The following KALRN variants were observed in gnomAD, a reference collection of about 807,000 sequenced individuals.
The protein encoded by KALRN is kalirin RhoGEF kinase, also known as kalirin.
A neutral mutation model predicts 353.7 loss-of-function variants in KALRN; 70 were observed. That is an observed-to-expected ratio of 0.20 (90% CI 0.16 to 0.24). The LOEUF (loss-of-function observed/expected upper bound fraction) is 0.24, where lower values mean the gene tolerates loss of function less well. Ranked by LOEUF, KALRN falls within the 10% of genes least tolerant of loss-of-function variation. The pLI is 1.00. For synonymous variants in KALRN, 1,391 were observed against 1,434.8 expected, an observed-to-expected ratio of 0.97 and a Z score of 0.69; for missense variants, 2,791 against 3,756.7, an observed-to-expected ratio of 0.74 and a Z score of 6.72.
In KALRN at chr3:124,103,995, C is replaced by T. The variant is rs561127511; in HGVS notation, c.73+70182C>T. Among the ~76,000 whole-genome samples the T allele has an allele frequency of 2.9e-4, 44 of 152,228 alleles. 1 individual carries two copies. In the South Asian group the frequency reaches 8.9e-3, roughly 31 times the overall value. On this transcript the variant is annotated intron_variant, in intron 1 of 59. Transcript: ENST00000682506. ...GAGAAAAAAAAAGAATCAACAGTAA[C>T]ATCTCTGCATCTCTGTTGGCCCTCT...
chr3:124,360,734 G>A (rs1347932493), intron 10 of KALRN, among the ~76,000 whole-genome samples: 1 of 152,182 alleles, frequency 6.6e-6, no homozygotes, highest in Non-Finnish European at 1.5e-5. Context: ...CAGATTAAGA[G>A]AAGCAGAATC....
chr3:124,150,572 C>T (rs1051049529), intron 1 of KALRN, among the ~76,000 whole-genome samples: 4 of 152,086 alleles, frequency 2.6e-5, no homozygotes, highest in African/African-American at 7.2e-5. Context: ...AGAGAATAAT[C>T]GGGATAATTA....
chr3:124,543,495 G>A (rs767023600), intron 33 of KALRN, among the ~76,000 whole-genome samples: 3 of 151,966 alleles, frequency 2.0e-5, no homozygotes, highest in Non-Finnish European at 2.9e-5. Context: ...TAGAGACGGG[G>A]TTTCACTGTG....
Position 124,712,990 on chromosome 3 carries a change from G to T in KALRN, c.8131G>T (p.Ala2711Ser). Residue 2711 changes from alanine (A) to serine (S), a missense_variant, in exon 58 of 60, where the codon GCT (alanine) becomes TCT (serine). By Grantham distance (99) the Ala-to-Ser change is moderately conservative (BLOSUM62 1). Transcript: ENST00000682506. ...CIHKATRKDV[A>S]VKFVSKKMKK... ...TCACAAAGCTACCCGCAAAGATGTG[G>T]CTGTGAAATTTGTTAGCAAAAAAAT... 1 of 1,614,002 alleles carries T rather than the reference G, an allele frequency of 6.2e-7. No homozygotes were observed. The highest frequency in any genetic ancestry group is 8.5e-7 in the Non-Finnish European group (1 of 1,179,984).
rs548315530 is a variant in KALRN, at chr3:124,063,658, A to G, written c.73+29845A>G. ...AAAGCCCTTCTTTCAGCCCACTTCC[A>G]GGAGGGATTGGTAATTTTCTTCCTC... On this transcript the variant is annotated intron_variant, in intron 1 of 59. Transcript: ENST00000682506. Among the ~76,000 whole-genome samples, 12 of 152,362 alleles carry G rather than the reference A, an allele frequency of 7.9e-5. 1 individual carries two copies. Among genetic ancestry groups the G allele is most frequent in the African/African-American group, 2.9e-4 (12 of 41,586 alleles).
At chr3:124,611,897 G>A (rs333327) in intron 34 of KALRN, among the ~76,000 whole-genome samples, 82,755 of 152,118 alleles carry the variant, frequency 0.54, 24,014 homozygotes, top group East Asian at 0.73. Context: ...CCTTATTTCC[G>A]TCTTCATGTG....
intron 33 of KALRN, chr3:124,504,788 G>A: frequency 2.2e-6 from 1 of 460,424 alleles, no homozygotes; most frequent in South Asian, 1.6e-5. Context: ...GAGCTGCCTG[G>A]GAGGACTGAG....
rs572486857 is a variant in KALRN, at chr3:124,305,808, G to A, written c.1092+6895G>A. Among the ~76,000 whole-genome samples the A allele has an allele frequency of 1.1e-4, 16 of 152,016 alleles. No individual in the cohort carries two copies. The South Asian group carries it at 1.2e-3, about 12-fold the overall frequency. ...GAGTTGCTGCTATATGACCTAAAAT[G>A]TCCAATTTTCAACAAAAAAATTATG... On this transcript the variant is annotated intron_variant, in intron 6 of 59. Coordinates refer to ENST00000682506, the MANE Select transcript of KALRN (RefSeq NM_001388419.1).
intron 45 of KALRN, 51 bp from the exon 46 acceptor site, chr3:124,666,398 G>T (rs928162366): frequency 1.3e-6 from 2 of 1,570,162 alleles, no homozygotes; most frequent in African/African-American, 1.4e-5. Flanking sequence ...AGAGGGCAGT[G>T]GCTCGCTCCC....
chr3:124,702,085 T>G lies in KALRN; in HGVS notation c.8044T>G (p.Ser2682Ala). 2 of 1,613,794 alleles carry G rather than the reference T, an allele frequency of 1.2e-6. No individual in the cohort carries two copies. The highest frequency in any genetic ancestry group is 1.7e-6 in the Non-Finnish European group (2 of 1,179,840). ...ATISWKENFD[S>A]AYTELNEIGR... ...CATTTCTTGGAAGGAAAATTTTGAC[T>G]CAGCTTACACTGAGCTGAATGAAAT... Residue 2682 changes from serine to alanine, a missense_variant, in exon 57 of 60, where the codon TCA (serine) becomes GCA (alanine). Ser to Ala is a moderately conservative substitution (Grantham distance 99). Coordinates refer to ENST00000682506, the MANE Select transcript of KALRN (RefSeq NM_001388419.1).
intron 33 of KALRN, among the ~76,000 whole-genome samples, chr3:124,509,322 C>T (rs2065606391): frequency 6.6e-6 from 1 of 152,190 alleles, no homozygotes; most frequent in Non-Finnish European, 1.5e-5. Flanking sequence ...AATTCTGCTG[C>T]CTCAGCCCCC....
chr3:124,409,174 A>G lies in KALRN; in HGVS notation c.2347-4296A>G, dbSNP rs576774552. 7.2e-5 allele frequency among the ~76,000 whole-genome samples: 11 copies of G among 152,280 alleles called. No homozygotes were observed. In the South Asian group the frequency reaches 1.5e-3, roughly 20 times the overall value. On this transcript the variant is annotated intron_variant, in intron 13 of 59. Transcript: ENST00000682506. ...GAGTGGGGGAGACAGAGGCCACTAGAGCAAGTGGGGAACTGAGGTGGAAGT... is the reference window on the plus strand; with the variant it reads ...GAGTGGGGGAGACAGAGGCCACTAGGGCAAGTGGGGAACTGAGGTGGAAGT...
intron 1 of KALRN, among the ~76,000 whole-genome samples, chr3:124,082,743 A>G (rs2060610163): frequency 6.6e-6 from 1 of 152,250 alleles, no homozygotes; most frequent in Admixed American, 6.5e-5. Context: ...AGACAACATG[A>G]ACGCAATGAA....
In KALRN at chr3:124,037,841, G is replaced by A. The variant is rs906374345; in HGVS notation, c.73+4028G>A. On this transcript the variant is annotated intron_variant, in intron 1 of 59. Coordinates refer to ENST00000682506, the MANE Select transcript of KALRN (RefSeq NM_001388419.1). ...CCTAGAGGACTGACAGTGTCTGACT[G>A]ATGGACAGGTGTGGGCTGGTTGAAG... Among the ~76,000 whole-genome samples, 3 of 152,184 alleles carry A rather than the reference G, an allele frequency of 2.0e-5. No individual in the cohort carries two copies. The South Asian group carries it at 6.2e-4, about 32-fold the overall frequency.
intron 33 of KALRN, among the ~76,000 whole-genome samples, chr3:124,536,547 T>C (rs1201392449): frequency 6.6e-6 from 1 of 152,220 alleles, no homozygotes; most frequent in African/African-American, 2.4e-5. Flanking sequence ...TAGCAATCCA[T>C]TGTACATATC....
chr3:124,621,075 A>G (rs922047069), intron 34 of KALRN, among the ~76,000 whole-genome samples: 1 of 152,214 alleles, frequency 6.6e-6, no homozygotes, highest in Non-Finnish European at 1.5e-5. Flanking sequence ...CCTGTTGGAA[A>G]TATTCCTGTT....
chr3:124,687,238 A>G (rs1395230296), intron 51 of KALRN, among the ~76,000 whole-genome samples: 5 of 152,164 alleles, frequency 3.3e-5, no homozygotes, highest in African/African-American at 9.7e-5. Flanking sequence ...ACACTCATAC[A>G]TAAAGGCATT....
intron 3 of KALRN, among the ~76,000 whole-genome samples, chr3:124,246,102 G>C (rs778473015): frequency 3.9e-5 from 6 of 152,186 alleles, no homozygotes; most frequent in Non-Finnish European, 7.3e-5. Context: ...CATATACCTA[G>C]ACATGGGATC....
chr3:124,364,400 C>T (rs189190315), intron 10 of KALRN, among the ~76,000 whole-genome samples: 18 of 152,318 alleles, frequency 1.2e-4, no homozygotes, highest in Non-Finnish European at 8.8e-5. Flanking sequence ...TTGGATTCTG[C>T]CCTTTCCCTG....
Sources: allele counts gnomAD v4.1 joint callset (sites outside exome capture counted in the v4.1 genomes callset), GRCh38; gene constraint gnomAD v4.1.1; transcripts MANE v1.5; gene names NCBI Gene and HGNC (gene_info 2026-07-23, HGNC 2026-07-21).